NFYC: variants seen among roughly 807,000 people sequenced by gnomAD.
The protein encoded by NFYC is CAAT box DNA-binding protein subunit C.
NFYC carries 25 observed loss-of-function variants against 53.1 expected under a neutral mutation model. The ratio of observed to expected loss-of-function variants is 0.47; its 90% CI spans 0.34 to 0.66. NFYC has a LOEUF of 0.66. Among genes scored for constraint, NFYC ranks in the 30% least tolerant of loss-of-function variants. The pLI, the probability that NFYC is intolerant of heterozygous loss-of-function variation, is 0.01. For missense variants in NFYC, 260 were observed against 422.7 expected (o/e 0.62, Z 3.38); for synonymous variants, 145 against 152.6 (o/e 0.95, Z 0.37).
rs1456519911 is a variant in NFYC, at chr1:40,749,787, A to G, written c.291+101A>G. 3.2e-6 allele frequency: 3 copies of G among 942,954 alleles called. No homozygotes were observed. The African/African-American group carries it at 4.9e-5, about 15-fold the overall frequency. The allele number at this position is 942,954 out of a possible 1,614,324, so 58.4% of individuals were successfully genotyped here. A position where few individuals can be genotyped will look rare whatever the true frequency, so the allele number is the denominator to read the frequency against. On this transcript the variant is annotated intron_variant, in intron 4 of 9. Transcript: ENST00000447388. ...AAAGATTGTTCTCCTTTAGGACCAA[A>G]GATTGTTCTCCTTTAGGACCAAAGA...
chr1:40,692,128 G>C (rs931391236), intron 1 of NFYC: 1 of 195,804 alleles, frequency 5.1e-6, no homozygotes, highest in East Asian at 1.9e-4. Flanking sequence ...GGGGGGGCTC[G>C]CTCGTGATTG....
intron 1 of NFYC, among the ~76,000 whole-genome samples, chr1:40,694,662 G>A (rs1643028165): frequency 6.7e-6 from 1 of 149,960 alleles, no homozygotes; most frequent in Non-Finnish European, 1.5e-5. Context: ...TTTTTTTTCA[G>A]CAGGCATTTC....
chr1:40,732,164 T>C (rs996829837), intron 1 of NFYC, among the ~76,000 whole-genome samples: 3 of 152,232 alleles, frequency 2.0e-5, no homozygotes, highest in Non-Finnish European at 4.4e-5. Flanking sequence ...TATTTAGTTT[T>C]AGTTACCTCA....
intron 1 of NFYC, among the ~76,000 whole-genome samples, chr1:40,710,627 G>C (rs1200239662): frequency 6.6e-6 from 1 of 152,274 alleles, no homozygotes; most frequent in South Asian, 2.1e-4. Context: ...GTGTGGAGCC[G>C]TCAGCCAGCA....
chr1:40,756,897 A>G (rs1476183341), intron 5 of NFYC, among the ~76,000 whole-genome samples: 1 of 152,218 alleles, frequency 6.6e-6, no homozygotes, highest in African/African-American at 2.4e-5. Flanking sequence ...AGTAGAACAG[A>G]CAGTTAATTT....
chr1:40,745,092 C>G (rs1296260125), intron 2 of NFYC, among the ~76,000 whole-genome samples: 1 of 152,132 alleles, frequency 6.6e-6, no homozygotes, highest in African/African-American at 2.4e-5. Context: ...AAATTTCTGC[C>G]TCATTTTACA....
At chr1:40,709,417 A>AAAAATGGCG (rs757628149) in intron 1 of NFYC, 1 of 152,186 alleles carries the variant, frequency 6.6e-6, no homozygotes, top group Non-Finnish European at 1.5e-5. Flanking sequence ...AAAGACAAAG[A>AAAAATGGCG]AAAATGGCGA....
chr1:40,707,763 C>T (rs1643775752), intron 1 of NFYC, among the ~76,000 whole-genome samples: 1 of 151,076 alleles, frequency 6.6e-6, no homozygotes, highest in Non-Finnish European at 1.5e-5. Context: ...CGCTTGAGCC[C>T]AGGAGGCGGA....
intron 1 of NFYC, among the ~76,000 whole-genome samples, chr1:40,702,267 A>G (rs1643473380): frequency 6.6e-6 from 1 of 152,028 alleles, no homozygotes; most frequent in African/African-American, 2.4e-5. Flanking sequence ...GCACCAGTGC[A>G]ATGTTCCTTT....
chr1:40,760,623 G>A (rs1374767336), intron 6 of NFYC, among the ~76,000 whole-genome samples: 1 of 151,994 alleles, frequency 6.6e-6, no homozygotes. Flanking sequence ...GGGAGGCTGA[G>A]GCAGGAGAAT....
At chr1:40,726,080 TG>T (rs1413813150) in intron 1 of NFYC, among the ~76,000 whole-genome samples, 2 of 151,392 alleles carry the variant, frequency 1.3e-5, no homozygotes, top group Non-Finnish European at 2.9e-5. Context: ...AAGTTTGGGG[TG>T]GCTTTGGCAA....
chr1:40,736,018 A>G (rs2148584475), intron 1 of NFYC, among the ~76,000 whole-genome samples: 1 of 152,302 alleles, frequency 6.6e-6, no homozygotes, highest in East Asian at 1.9e-4. Context: ...GTTATTTAGG[A>G]CTTAAGATTT....
chr1:40,763,468 T>TC (rs1327882854), intron 7 of NFYC: 1 of 448,920 alleles, frequency 2.2e-6, no homozygotes, highest in Non-Finnish European at 4.5e-6. Context: ...TGCCTCAGCC[T>TC]CCCGAGTAGC....
At chr1:40,755,866 G>A (rs150307996) in intron 5 of NFYC, among the ~76,000 whole-genome samples, 1 of 152,226 alleles carries the variant, frequency 6.6e-6, no homozygotes, top group Admixed American at 6.5e-5. Context: ...GATATTTTGG[G>A]TTCTGGAAGG....
chr1:40,765,478 C>G (rs912309370), intron 7 of NFYC, among the ~76,000 whole-genome samples: 4 of 152,206 alleles, frequency 2.6e-5, no homozygotes, highest in African/African-American at 9.6e-5. Flanking sequence ...TTAGCATTTT[C>G]CTCATGGAAG....
At chr1:40,753,994 C>T (rs1376382743) in intron 5 of NFYC, among the ~76,000 whole-genome samples, 2 of 152,150 alleles carry the variant, frequency 1.3e-5, no homozygotes, top group Admixed American at 6.5e-5. Flanking sequence ...TAATAGACCT[C>T]TGTCCTTTAG....
intron 1 of NFYC, among the ~76,000 whole-genome samples, chr1:40,705,899 C>G (rs1557743311): frequency 1.3e-5 from 2 of 152,062 alleles, no homozygotes; most frequent in Non-Finnish European, 2.9e-5. Flanking sequence ...GCGTGTGCCA[C>G]CACACCTAGC....
At chr1:40,733,721 C>A (rs1357904255) in intron 1 of NFYC, among the ~76,000 whole-genome samples, 1 of 150,492 alleles carries the variant, frequency 6.6e-6, no homozygotes, top group East Asian at 2.0e-4. Flanking sequence ...ACGTGTGTGC[C>A]ACAATGCCTA....
At chr1:40,761,287 T>C (rs190515387) in intron 6 of NFYC, among the ~76,000 whole-genome samples, 3 of 152,308 alleles carry the variant, frequency 2.0e-5, no homozygotes, top group African/African-American at 7.2e-5. Flanking sequence ...GATGGTGAAG[T>C]TGGTCCTTCC....
Sources: allele counts gnomAD v4.1 joint callset (sites outside exome capture counted in the v4.1 genomes callset), GRCh38; gene constraint gnomAD v4.1.1; transcripts MANE v1.5; gene names NCBI Gene and HGNC (gene_info 2026-07-23, HGNC 2026-07-21).